ZBED5: variants seen among roughly 807,000 people sequenced by gnomAD.
ZBED5 encodes the protein zinc finger BED-type containing 5, also known as zinc finger BED domain-containing protein 5.
A neutral mutation model predicts 49.2 loss-of-function variants in ZBED5; 29 were observed. The observed-to-expected ratio is 0.59, with a 90% CI of 0.44 to 0.80. The LOEUF (loss-of-function observed/expected upper bound fraction) is 0.80, where lower values mean the gene tolerates loss of function less well. Ranked by LOEUF, ZBED5 falls within the 30% of genes least tolerant of loss-of-function variation. ZBED5 has a pLI of 0.00. For synonymous variants in ZBED5, 281 were observed against 292.5 expected, an observed-to-expected ratio of 0.96 and a Z score of 0.40; for missense variants, 775 against 812.9, an observed-to-expected ratio of 0.95 and a Z score of 0.57.
chr11:10,852,860 A>G lies in ZBED5; in HGVS notation c.*4T>C. 1 of 1,514,916 alleles carries G rather than the reference A, an allele frequency of 6.6e-7. No individual in the cohort carries two copies. The highest frequency in any genetic ancestry group is 2.1e-5 in the Admixed American group (1 of 48,332). The allele number at this position is 1,514,916 out of a possible 1,614,324, so 93.8% of individuals were successfully genotyped here. On this transcript the variant is annotated 3_prime_UTR_variant, in exon 3 of 3. Coordinates refer to ENST00000413761, the MANE Select transcript of ZBED5 (RefSeq NM_001143667.2). ...TATCATGAGACATGCAAACTCCTCCAATTTTAATGAGAACAGTGTTTTTGT... is the reference window on the plus strand; with the variant it reads ...TATCATGAGACATGCAAACTCCTCCGATTTTAATGAGAACAGTGTTTTTGT...
In ZBED5 at chr11:10,854,747, T is replaced by G. The variant is rs752396750; in HGVS notation, c.199A>C (p.Ile67Leu). The G allele has an allele frequency of 5.8e-6, 9 of 1,551,778 alleles. No individual in the cohort carries two copies. The highest frequency in any genetic ancestry group is 5.2e-6 in the Non-Finnish European group (6 of 1,147,002). The change falls in exon 3 of 3, where the codon ATA becomes CTA. Residue 67 changes from isoleucine (I) to leucine (L), a missense_variant. By Grantham distance (5) the Ile-to-Leu change is conservative. Coordinates refer to ENST00000413761, the MANE Select transcript of ZBED5 (RefSeq NM_001143667.2). The surrounding 1 kb of genome is among the most constrained non-coding windows in gnomAD (Gnocchi z 5.0). ...AACTGCTTATCTTCACTTTGTAATA[T>G]TCCAACCTTCTGATCATTTGATTCA... ...VSESNDQKVGILQSEDKQLQP... is the reference protein window; with the variant it reads ...VSESNDQKVGLLQSEDKQLQP...
chr11:10,852,783 C>T lies in ZBED5; in HGVS notation c.*81G>A, dbSNP rs1420603425. On this transcript the variant is annotated 3_prime_UTR_variant, in exon 3 of 3. Transcript: ENST00000413761. ...AATGGAATCATTTTATTTAAATCCC[C>T]CAAATACCAGAGATGAAGTAAATCA... The T allele has an allele frequency of 7.1e-7, 1 of 1,414,752 alleles. No individual in the cohort carries two copies. The highest frequency in any genetic ancestry group is 1.4e-5 in the African/African-American group (1 of 69,368). The allele number at this position is 1,414,752 out of a possible 1,614,324, so 87.6% of individuals were successfully genotyped here.
chr11:10,852,861 A>G lies in ZBED5; in HGVS notation c.*3T>C. On this transcript the variant is annotated 3_prime_UTR_variant, in exon 3 of 3. Coordinates refer to ENST00000413761, the MANE Select transcript of ZBED5 (RefSeq NM_001143667.2). ...ATCATGAGACATGCAAACTCCTCCA[A>G]TTTTAATGAGAACAGTGTTTTTGTG... 1 of 1,516,950 alleles carries G rather than the reference A, an allele frequency of 6.6e-7. No individual in the cohort carries two copies. The highest frequency in any genetic ancestry group is 8.9e-7 in the Non-Finnish European group (1 of 1,123,234). The allele number at this position is 1,516,950 out of a possible 1,614,324, so 94.0% of individuals were successfully genotyped here. A position where few individuals can be genotyped will look rare whatever the true frequency, so the allele number is the denominator to read the frequency against.
Position 10,854,421 on chromosome 11 carries a change from A to G in ZBED5, c.525T>C (p.Pro175=). The G allele has an allele frequency of 2.6e-6, 4 of 1,551,356 alleles. 1 individual carries two copies. In the East Asian group the frequency reaches 9.8e-5, roughly 38 times the overall value. Reference sequence around the variant, plus strand: ...TAGGTGTTGGGGGTTTATTATTTTCAGGTGAATCGAGATGTTGCTTGAAAA... The same window carrying G: ...TAGGTGTTGGGGGTTTATTATTTTCGGGTGAATCGAGATGTTGCTTGAAAA... The part of the protein sequence containing the change: ...ISFFKQHLDS[P]ENNKPPTPKI... Residue 175 remains proline, a synonymous_variant, in exon 3 of 3, where the codon CCT becomes CCC. Coordinates refer to ENST00000413761, the MANE Select transcript of ZBED5 (RefSeq NM_001143667.2). This position sits in a 1 kb window ranked among gnomAD's most constrained non-coding sequence, Gnocchi z 5.0.
At position 10,854,229 on chromosome 11, in the gene ZBED5, A is replaced by G. The variant is rs1469320229; in HGVS notation, c.717T>C (p.Asp239=). 23 of 1,551,014 alleles carry G rather than the reference A, an allele frequency of 1.5e-5. No individual in the cohort carries two copies. Among genetic ancestry groups the G allele is most frequent in the Non-Finnish European group, 1.8e-5 (21 of 1,146,554 alleles). ...MFDEQYSKKI[D]AVQLSNSTVA... ...CAGTACTGTTTGATAGCTGTACTGC[A>G]TCTATTTTTTTACTATATTGTTCAT... The change falls in exon 3 of 3, where the codon GAT becomes GAC. Residue 239 remains aspartate, a synonymous_variant. Coordinates refer to ENST00000413761, the MANE Select transcript of ZBED5 (RefSeq NM_001143667.2). This position sits in a 1 kb window ranked among gnomAD's most constrained non-coding sequence, Gnocchi z 5.0.
chr11:10,853,286 T>G lies in ZBED5; in HGVS notation c.1660A>C (p.Arg554=). 1 of 1,551,640 alleles carries G rather than the reference T, an allele frequency of 6.4e-7. No individual in the cohort carries two copies. Among genetic ancestry groups the G allele is most frequent in the Non-Finnish European group, 8.7e-7 (1 of 1,146,948 alleles). The change falls in exon 3 of 3, where the codon AGG becomes CGG. Residue 554 remains arginine, a synonymous_variant. Transcript: ENST00000413761. The surrounding 1 kb of genome is among the most constrained non-coding windows in gnomAD (Gnocchi z 5.4). ...TTTAACAGAGTAGCGCGCAAACCCC[T>G]TAGGTGCTGCACAATGGCACTGCAA... ...DICSAIVQHL[R]GLRATLLKYF... is the part of the protein sequence containing the mutation.
Position 10,853,181 on chromosome 11 carries a change from C to A in ZBED5, c.1765G>T (p.Ala589Ser), listed in dbSNP as rs1590060192. Reference protein sequence around the residue: ...TVTVKPASLVARDYESLIDLT... With the variant: ...TVTVKPASLVSRDYESLIDLT... Reference sequence around the variant, plus strand: ...TCAATCAGGCTCTCATAGTCCCGTGCTACTAATGAAGCTGGTTTAACAGTA... The same window carrying A: ...TCAATCAGGCTCTCATAGTCCCGTGATACTAATGAAGCTGGTTTAACAGTA... The change falls in exon 3 of 3, where the codon GCA becomes TCA. Residue 589 changes from alanine (A) to serine (S), a missense_variant. Transcript: ENST00000413761. This position sits in a 1 kb window ranked among gnomAD's most constrained non-coding sequence, Gnocchi z 5.4. 5 of 1,551,530 alleles carry A rather than the reference C, an allele frequency of 3.2e-6. No individual in the cohort carries two copies. In the East Asian group the frequency reaches 7.3e-5, roughly 23 times the overall value.
chr11:10,856,722 C>T (rs535018330), intron 1 of ZBED5, among the ~76,000 whole-genome samples: 39 of 152,120 alleles, frequency 2.6e-4, no homozygotes, highest in Non-Finnish European at 5.0e-4. Context: ...TTACTGTATG[C>T]CAATTACTGC....
rs1359604802 is a variant in ZBED5 at position 10,854,937 on chromosome 11, A to G, written c.9T>C (p.Ala3=). MI[A]PLLCILSYNF... ...TATAAGACAGGATACAAAGAAGAGG[A>G]GCAATCATCAAAGAGATGATATACA... Residue 3 remains alanine, a synonymous_variant, in exon 3 of 3, where the codon GCT becomes GCC. Transcript: ENST00000413761. The surrounding 1 kb of genome is among the most constrained non-coding windows in gnomAD (Gnocchi z 5.0). 2 of 1,548,724 alleles carry G rather than the reference A, an allele frequency of 1.3e-6. No individual in the cohort carries two copies. The highest frequency in any genetic ancestry group is 1.2e-5 in the South Asian group (1 of 83,916).
In ZBED5 at chr11:10,856,956, C is replaced by T. The variant is rs150084115; in HGVS notation, c.-255-699G>A. Among the ~76,000 whole-genome samples, 26 of 152,268 alleles carry T rather than the reference C, an allele frequency of 1.7e-4. No homozygotes were observed. The East Asian group carries it at 5.0e-3, about 29-fold the overall frequency. On this transcript the variant is annotated intron_variant, in intron 1 of 2. Coordinates refer to ENST00000413761, the MANE Select transcript of ZBED5 (RefSeq NM_001143667.2). The stretch of plus-strand genomic sequence containing the variant: ...CCCCAACTACTAAAAAATCTCGTTA[C>T]TAGGAGTTGGGTTATGCAGCGAAAC...
At chr11:10,856,862 G>C (rs867277392) in intron 1 of ZBED5, among the ~76,000 whole-genome samples, 3 of 152,282 alleles carry the variant, frequency 2.0e-5, no homozygotes, top group South Asian at 4.1e-4. Flanking sequence ...CAAGTTCAGA[G>C]CCCAAAAAGT....
rs1182696053 is a variant in ZBED5, at chr11:10,852,911, T to C, written c.2035A>G (p.Ile679Val). Residue 679 changes from isoleucine (I) to valine (V), a missense_variant, in exon 3 of 3, where the codon ATT (isoleucine) becomes GTT (valine). Physicochemically the swap from Ile to Val is conservative, Grantham distance 29. Transcript: ENST00000413761. ...RIRLSNITPNIKRICDKKTQK... is the reference protein window; with the variant it reads ...RIRLSNITPNVKRICDKKTQK... Reference sequence around the variant, plus strand: ...GTCTTTTTATCACATATCCGCTTAATATTAGGTGTAATATTGCTAAGTCGG... The same window carrying C: ...GTCTTTTTATCACATATCCGCTTAACATTAGGTGTAATATTGCTAAGTCGG... 1 of 1,550,148 alleles carries C rather than the reference T, an allele frequency of 6.5e-7. No individual in the cohort carries two copies. Among genetic ancestry groups the C allele is most frequent in the Non-Finnish European group, 8.7e-7 (1 of 1,145,602 alleles).
chr11:10,852,838 C>T lies in ZBED5; in HGVS notation c.*26G>A, dbSNP rs769149528. On this transcript the variant is annotated 3_prime_UTR_variant, in exon 3 of 3. Transcript: ENST00000413761. ...TTATTTTCATCTTACATTTGGTTAT[C>T]ATGAGACATGCAAACTCCTCCAATT... The T allele has an allele frequency of 6.1e-5, 90 of 1,486,388 alleles. No homozygotes were observed. The African/African-American group carries it at 1.2e-3, about 20-fold the overall frequency. The allele number at this position is 1,486,388 out of a possible 1,614,324, so 92.1% of individuals were successfully genotyped here.
Position 10,853,861 on chromosome 11 carries a change from T to C in ZBED5, c.1085A>G (p.Tyr362Cys). 1.3e-6 allele frequency: 2 copies of C among 1,551,658 alleles called. No homozygotes were observed. The highest frequency in any genetic ancestry group is 1.7e-6 in the Non-Finnish European group (2 of 1,146,950). Residue 362 changes from tyrosine (Y) to cysteine (C), a missense_variant, in exon 3 of 3, where the codon TAT (tyrosine) becomes TGT (cysteine). Transcript: ENST00000413761. This position sits in a 1 kb window ranked among gnomAD's most constrained non-coding sequence, Gnocchi z 5.4. ...ACTACTGGTGCTTTCGGGAGCCACA[T>C]ATTTTATTAAGGTGACAGCTTCGGC... ...KIAEAVTLIK[Y>C]VAPESTSSHC...
In ZBED5 at chr11:10,854,150, TACAA is replaced by T. The variant is rs1164498649; in HGVS notation, c.792_795del (p.Cys265AspfsTer2). The T allele has an allele frequency of 1.3e-6, 2 of 1,551,086 alleles. No individual in the cohort carries two copies. Among genetic ancestry groups the T allele is most frequent in the Non-Finnish European group, 1.7e-6 (2 of 1,146,594 alleles). ...GAAAACCCATCGCAAATTTTCAGTC[TACAA>T]ACAAGCTCTTCTTCAATGTCAGCAG... On this transcript the variant is annotated frameshift_variant, in exon 3 of 3. Coordinates refer to ENST00000413761, the MANE Select transcript of ZBED5 (RefSeq NM_001143667.2). LOFTEE classifies it high-confidence loss of function. This position sits in a 1 kb window ranked among gnomAD's most constrained non-coding sequence, Gnocchi z 5.0.
In ZBED5 at chr11:10,853,902, T is replaced by C. The variant is rs1191111724; in HGVS notation, c.1044A>G (p.Ala348=). The C allele has an allele frequency of 3.2e-6, 5 of 1,551,514 alleles. No homozygotes were observed. Among genetic ancestry groups the C allele is most frequent in the Non-Finnish European group, 4.4e-6 (5 of 1,146,952 alleles). ...CAGCTTCGGCAATTTTCCCATCCACTGCCCTAGAAGCATCACTACAAACAT... is the reference window on the plus strand; with the variant it reads ...CAGCTTCGGCAATTTTCCCATCCACCGCCCTAGAAGCATCACTACAAACAT... ...CVDVCSDASR[A]VDGKIAEAVT... is the part of the protein sequence containing the mutation. The change falls in exon 3 of 3, where the codon GCA becomes GCG. Residue 348 remains alanine (A), a synonymous_variant. Coordinates refer to ENST00000413761, the MANE Select transcript of ZBED5 (RefSeq NM_001143667.2). This position sits in a 1 kb window ranked among gnomAD's most constrained non-coding sequence, Gnocchi z 5.4.
Position 10,853,557 on chromosome 11 carries a change from A to G in ZBED5, c.1389T>C (p.Asp463=), listed in dbSNP as rs926542832. ...GCAGCCAAGATGAATTTGTTAAACA[A>G]TCAGATAGTCGAAAAGCAGAATCCA... The part of the protein sequence containing the change: ...VFMDSAFRLS[D]CLTNSSWLLR... Residue 463 remains aspartate, a synonymous_variant, in exon 3 of 3, where the codon GAT becomes GAC. Transcript: ENST00000413761. This position sits in a 1 kb window ranked among gnomAD's most constrained non-coding sequence, Gnocchi z 5.4. 10 of 1,550,158 alleles carry G rather than the reference A, an allele frequency of 6.5e-6. No homozygotes were observed. The highest frequency in any genetic ancestry group is 7.9e-6 in the Non-Finnish European group (9 of 1,146,152).
In ZBED5 at chr11:10,853,628, C is replaced by A. The variant is rs1848133317; in HGVS notation, c.1318G>T (p.Val440Phe). 2 of 1,551,572 alleles carry A rather than the reference C, an allele frequency of 1.3e-6. No individual in the cohort carries two copies. The highest frequency in any genetic ancestry group is 1.7e-6 in the Non-Finnish European group (2 of 1,146,930). Residue 440 changes from valine to phenylalanine, a missense_variant, in exon 3 of 3, where the codon GTT becomes TTT. Val to Phe is a conservative substitution (Grantham distance 50). Coordinates refer to ENST00000413761, the MANE Select transcript of ZBED5 (RefSeq NM_001143667.2). This position sits in a 1 kb window ranked among gnomAD's most constrained non-coding sequence, Gnocchi z 5.4. ...TEVRWLSRGKVLVRLFELRRE... is the reference protein window; with the variant it reads ...TEVRWLSRGKFLVRLFELRRE... The stretch of plus-strand genomic sequence containing the variant: ...CGAAGTTCAAAAAGTCTTACAAGAA[C>A]TTTACCTCGAGAAAGCCACCTCACC...
In ZBED5 at chr11:10,854,297, G is replaced by A; in HGVS notation, c.649C>T (p.Leu217Phe). ...SGEAHTIGEL[L>F]IKPCAKDVVM... ...ACATCTTTTGCACAAGGTTTGATAA[G>A]CAATTCTCCAATAGTATGAGCCTCT... Residue 217 changes from leucine (L) to phenylalanine (F), a missense_variant, in exon 3 of 3, where the codon CTT (leucine) becomes TTT (phenylalanine). Physicochemically the swap from Leu to Phe is conservative, Grantham distance 22. Coordinates refer to ENST00000413761, the MANE Select transcript of ZBED5 (RefSeq NM_001143667.2). The surrounding 1 kb of genome is among the most constrained non-coding windows in gnomAD (Gnocchi z 5.0). 6.4e-7 allele frequency: 1 copy of A among 1,550,848 alleles called. No homozygotes were observed. The highest frequency in any genetic ancestry group is 8.7e-7 in the Non-Finnish European group (1 of 1,146,902).
Sources: allele counts gnomAD v4.1 joint callset (sites outside exome capture counted in the v4.1 genomes callset), GRCh38; gene constraint gnomAD v4.1.1; non-coding constraint Gnocchi (gnomAD v3.1); transcripts MANE v1.5; gene names NCBI Gene and HGNC (gene_info 2026-07-23, HGNC 2026-07-21).